ADRA1A: variants seen among roughly 807,000 people sequenced by gnomAD.
ADRA1A encodes the protein adrenoceptor alpha 1A.
Under a neutral mutation model 29.6 loss-of-function variants are expected in ADRA1A, and 31 were observed. The ratio of observed to expected loss-of-function variants is 1.05; its 90% CI spans 0.79 to 1.41. The LOEUF is 1.41. Among genes scored for constraint, ADRA1A ranks in the 40% most tolerant of loss-of-function variants. ADRA1A has a pLI of 0.00. For missense variants in ADRA1A, 619 were observed against 601.1 expected (o/e 1.03, Z -0.31); for synonymous variants, 311 against 254.3 (o/e 1.22, Z -2.12).
chr8:26,787,244 C>T lies in ADRA1A; in HGVS notation c.884-16578G>A, dbSNP rs1429151620. Reference sequence around the variant, plus strand: ...TAGTACTTGAAGTTCAAAACAAAGACAATCATCAGAATAGCCAAGAAAATT... The same window carrying T: ...TAGTACTTGAAGTTCAAAACAAAGATAATCATCAGAATAGCCAAGAAAATT... On this transcript the variant is annotated intron_variant, in intron 2 of 2. Transcript: ENST00000380573. This position sits in a 1 kb window ranked among gnomAD's most constrained non-coding sequence, Gnocchi z 4.2. Among the ~76,000 whole-genome samples the T allele has an allele frequency of 2.6e-5, 4 of 152,150 alleles. No homozygotes were observed. Among genetic ancestry groups the T allele is most frequent in the Admixed American group, 6.5e-5 (1 of 15,272 alleles).
chr8:26,756,998 T>C (rs1805205148), intron 2 of ADRA1A: 1 of 730,774 alleles, frequency 1.4e-6, no homozygotes, highest in Non-Finnish European at 2.4e-6. Flanking sequence ...CACATTCTGC[T>C]CCCTGTGAGA....
chr8:26,804,116 C>G (rs1400579599), intron 2 of ADRA1A, among the ~76,000 whole-genome samples: 5 of 151,774 alleles, frequency 3.3e-5, no homozygotes, highest in Non-Finnish European at 7.4e-5. Context: ...GAGTCGGGGT[C>G]TTGCTATGTT....
chr8:26,865,317 T>C lies in ADRA1A; in HGVS notation c.-348A>G, dbSNP rs1479197839. The stretch of plus-strand genomic sequence containing the variant: ...CCAGGAGACTCCTTGCAACATGCAA[T>C]TCCAGAATTACGAGAATCTGCTTTT... On this transcript the variant is annotated 5_prime_UTR_variant, in exon 2 of 3. Transcript: ENST00000380573. This position sits in a 1 kb window ranked among gnomAD's most constrained non-coding sequence, Gnocchi z 7.6. The C allele has an allele frequency of 4.5e-6, 5 of 1,112,052 alleles. No homozygotes were observed. The African/African-American group carries it at 8.2e-5, about 18-fold the overall frequency. 68.9% of individuals were successfully genotyped at this position (1,112,052 alleles called of 1,614,324 possible). A position where few individuals can be genotyped will look rare whatever the true frequency, so the allele number is the denominator to read the frequency against.
At chr8:26,803,580 C>T (rs1808755209) in intron 2 of ADRA1A, among the ~76,000 whole-genome samples, 1 of 152,060 alleles carries the variant, frequency 6.6e-6, no homozygotes, top group Admixed American at 6.6e-5. Context: ...GATAAATAAG[C>T]TTGATCAAAA....
chr8:26,788,349 G>C (rs1807559064), intron 2 of ADRA1A, among the ~76,000 whole-genome samples: 1 of 152,004 alleles, frequency 6.6e-6, no homozygotes, highest in African/African-American at 2.4e-5. Flanking sequence ...GGATACCTGG[G>C]CTTTCTATCA....
downstream of ADRA1A, among the ~76,000 whole-genome samples, chr8:26,756,147 G>A (rs1465560970): frequency 2.6e-5 from 4 of 152,182 alleles, no homozygotes; most frequent in African/African-American, 9.7e-5. Flanking sequence ...TAAGGACAAT[G>A]CCATTATCAC....
At chr8:26,797,405 C>T (rs1300135638) in intron 2 of ADRA1A, among the ~76,000 whole-genome samples, 1 of 152,048 alleles carries the variant, frequency 6.6e-6, no homozygotes, top group Non-Finnish European at 1.5e-5. Context: ...TAAGCAATCC[C>T]CCTGACTTAG....
At chr8:26,824,911 A>G (rs947341419) in intron 2 of ADRA1A, among the ~76,000 whole-genome samples, 1 of 152,212 alleles carries the variant, frequency 6.6e-6, no homozygotes, top group Non-Finnish European at 1.5e-5. Context: ...TCTCCAATGC[A>G]TGAGTATGTC....
rs1289194215 is a variant in ADRA1A, at chr8:26,848,593, G to T, written c.883+15494C>A. 6.6e-6 allele frequency among the ~76,000 whole-genome samples: 1 copy of T among 152,150 alleles called. No homozygotes were observed. The highest frequency in any genetic ancestry group is 2.4e-5 in the African/African-American group (1 of 41,440). On this transcript the variant is annotated intron_variant, in intron 2 of 2. Coordinates refer to ENST00000380573, the MANE Select transcript of ADRA1A (RefSeq NM_000680.4). This position sits in a 1 kb window ranked among gnomAD's most constrained non-coding sequence, Gnocchi z 4.3. The stretch of plus-strand genomic sequence containing the variant: ...CCAGAGCTCTGAGAAATCAATGTCA[G>T]CTGCCTAAGCTGCCCAGTCTATACC...
At chr8:26,801,720 A>G (rs1343415436) in intron 2 of ADRA1A, among the ~76,000 whole-genome samples, 1 of 152,052 alleles carries the variant, frequency 6.6e-6, no homozygotes, top group East Asian at 1.9e-4. Context: ...TGCAATCCCT[A>G]TCGAAATACC....
chr8:26,858,983 CTTCTCACAATA>C, intron 2 of ADRA1A: 1 of 1,121,808 alleles, frequency 8.9e-7, no homozygotes, highest in Non-Finnish European at 1.1e-6. Context: ...GAACGTGAGA[CTTCTCACAATA>C]TACAGGAAGG....
chr8:26,800,872 C>T (rs1363998554), intron 2 of ADRA1A, among the ~76,000 whole-genome samples: 3 of 151,974 alleles, frequency 2.0e-5, no homozygotes, highest in Non-Finnish European at 4.4e-5. Flanking sequence ...GATGCAAAAA[C>T]CCTCAGCAAA....
At chr8:26,835,039 GC>G (rs1293054380) in intron 2 of ADRA1A, among the ~76,000 whole-genome samples, 8 of 152,142 alleles carry the variant, frequency 5.3e-5, no homozygotes, top group Non-Finnish European at 8.8e-5. Flanking sequence ...GCAAATACAA[GC>G]CCCTATTTTT....
chr8:26,770,679 A>G lies in ADRA1A; in HGVS notation c.884-13T>C, dbSNP rs1806078635. 3 of 1,601,238 alleles carry G rather than the reference A, an allele frequency of 1.9e-6. No individual in the cohort carries two copies. Among genetic ancestry groups the G allele is most frequent in the Non-Finnish European group, 2.6e-6 (3 of 1,174,880 alleles). On this transcript the variant is annotated splice_polypyrimidine_tract_variant and intron_variant, in intron 2 of 2. Transcript: ENST00000380573. The stretch of plus-strand genomic sequence containing the variant: ...GGGAAGAAAGACCCTGGAAGAAAAC[A>G]CACAGATTTATACATATTATTTGAA...
At chr8:26,840,840 G>C (rs1811766251) in intron 2 of ADRA1A, among the ~76,000 whole-genome samples, 1 of 152,176 alleles carries the variant, frequency 6.6e-6, no homozygotes, top group Non-Finnish European at 1.5e-5. Context: ...AGTGTTATTT[G>C]TGTTATTTCC....
At chr8:26,778,549 G>A (rs1806714420) in intron 2 of ADRA1A, among the ~76,000 whole-genome samples, 1 of 151,976 alleles carries the variant, frequency 6.6e-6, no homozygotes, top group Non-Finnish European at 1.5e-5. Flanking sequence ...CAAACCAAAT[G>A]TCCAACAATG....
chr8:26,765,870 T>C, downstream of ADRA1A: 2 of 1,408,774 alleles, frequency 1.4e-6, no homozygotes, highest in South Asian at 3.4e-5. Flanking sequence ...AAAAATTGCC[T>C]GCCCAAGCAA....
intron 2 of ADRA1A, among the ~76,000 whole-genome samples, chr8:26,804,643 A>G (rs1409489130): frequency 6.6e-6 from 1 of 152,176 alleles, no homozygotes; most frequent in Non-Finnish European, 1.5e-5. Context: ...CTTATCTGAC[A>G]TATATCACTA....
chr8:26,760,325 G>A lies in ADRA1A; in HGVS notation c.1270-3546C>T, dbSNP rs138331259. 1.2e-4 allele frequency among the ~76,000 whole-genome samples: 19 copies of A among 152,316 alleles called. No homozygotes were observed. The East Asian group carries it at 1.5e-3, about 12-fold the overall frequency. ...GAGTGGGTGGCAGGGCAGCAGGACC[G>A]TCTCATTGTGCTCATGAAGGCTTAG... On this transcript the variant is annotated intron_variant, in intron 2 of 2. Coordinates refer to the ADRA1A transcript ENST00000380582.
Sources: allele counts gnomAD v4.1 joint callset (sites outside exome capture counted in the v4.1 genomes callset), GRCh38; gene constraint gnomAD v4.1.1; non-coding constraint Gnocchi (gnomAD v3.1); transcripts MANE v1.5; gene names NCBI Gene and HGNC (gene_info 2026-07-23, HGNC 2026-07-21).